GPATCH2: variants seen among roughly 807,000 people sequenced by gnomAD.
GPATCH2 encodes G patch domain-containing protein 2.
GPATCH2 carries 51 observed loss-of-function variants against 58.0 expected under a neutral mutation model. The ratio of observed to expected loss-of-function variants is 0.88; its 90% CI spans 0.70 to 1.11. The LOEUF is 1.11. Ranked by LOEUF, GPATCH2 falls within the 50% of genes most tolerant of loss-of-function variation. The pLI, the probability that GPATCH2 is intolerant of heterozygous loss-of-function variation, is 0.00. For missense variants in GPATCH2, 625 were observed against 652.2 expected (o/e 0.96, Z 0.45); for synonymous variants, 222 against 218.5 (o/e 1.02, Z -0.14).
At chr1:217,454,273 C>A (rs1053025079) in intron 8 of GPATCH2, among the ~76,000 whole-genome samples, 1 of 152,092 alleles carries the variant, frequency 6.6e-6, no homozygotes, top group Non-Finnish European at 1.5e-5. Context: ...TGTTTTATAA[C>A]GACTAGAATG....
chr1:217,495,088 AT>A, intron 7 of GPATCH2: 2 of 663,606 alleles, frequency 3.0e-6, no homozygotes, highest in Non-Finnish European at 1.9e-6. Context: ...GCAGATGTAT[AT>A]TAAAAAATAA....
intron 8 of GPATCH2, among the ~76,000 whole-genome samples, chr1:217,484,877 T>TA (rs1661389469): frequency 6.6e-6 from 1 of 151,984 alleles, no homozygotes; most frequent in Non-Finnish European, 1.5e-5. Context: ...TGCCTATAAA[T>TA]ACACCAAAGT....
intron 5 of GPATCH2, among the ~76,000 whole-genome samples, chr1:217,596,518 C>T (rs1667836880): frequency 1.3e-5 from 2 of 151,976 alleles, no homozygotes; most frequent in African/African-American, 2.4e-5. Context: ...ATTTGATATA[C>T]ATAAAAAGAT....
At chr1:217,594,611 GAC>G (rs1324572926) in intron 5 of GPATCH2, among the ~76,000 whole-genome samples, 7 of 152,016 alleles carry the variant, frequency 4.6e-5, no homozygotes, top group Non-Finnish European at 5.9e-5. Flanking sequence ...ATTCACTCAA[GAC>G]ACAGTGATGC....
intron 8 of GPATCH2, among the ~76,000 whole-genome samples, chr1:217,472,897 G>T (rs576915101): frequency 9.5e-4 from 145 of 152,286 alleles, no homozygotes; most frequent in African/African-American, 3.3e-3. Flanking sequence ...CTTTGGCATT[G>T]TCCTAGTCCC....
intron 8 of GPATCH2, among the ~76,000 whole-genome samples, chr1:217,460,006 A>G (rs1162506784): frequency 6.6e-6 from 1 of 152,156 alleles, no homozygotes; most frequent in East Asian, 1.9e-4. Flanking sequence ...GAGAATATAT[A>G]TATTTAATTT....
At chr1:217,597,052 G>T (rs1047659538) in intron 5 of GPATCH2, among the ~76,000 whole-genome samples, 2 of 152,100 alleles carry the variant, frequency 1.3e-5, no homozygotes, top group Non-Finnish European at 2.9e-5. Flanking sequence ...CAACAGGCCA[G>T]GTGTGGTGGC....
intron 5 of GPATCH2, among the ~76,000 whole-genome samples, chr1:217,560,337 T>C (rs1665861129): frequency 6.6e-6 from 1 of 152,208 alleles, no homozygotes; most frequent in South Asian, 2.1e-4. Context: ...GCAAATGGTT[T>C]TGGAAGTCAC....
intron 8 of GPATCH2, among the ~76,000 whole-genome samples, chr1:217,462,712 G>T (rs1280396574): frequency 6.6e-6 from 1 of 152,056 alleles, no homozygotes; most frequent in East Asian, 1.9e-4. Context: ...AACATGATGG[G>T]GAAATCTTTT....
intron 5 of GPATCH2, among the ~76,000 whole-genome samples, chr1:217,517,239 T>C (rs1190102186): frequency 6.6e-6 from 1 of 152,192 alleles, no homozygotes; most frequent in African/African-American, 2.4e-5. Flanking sequence ...GTGACTATCC[T>C]TTATTGTTAT....
chr1:217,586,146 T>C (rs1667330552), intron 5 of GPATCH2, among the ~76,000 whole-genome samples: 1 of 152,172 alleles, frequency 6.6e-6, no homozygotes, highest in Non-Finnish European at 1.5e-5. Flanking sequence ...TTTATAAATA[T>C]TGTACACTTA....
intron 8 of GPATCH2, among the ~76,000 whole-genome samples, chr1:217,466,139 A>C (rs1043770005): frequency 6.6e-6 from 1 of 152,234 alleles, no homozygotes; most frequent in African/African-American, 2.4e-5. Flanking sequence ...TTGAATGAGC[A>C]CTTCCAGAGG....
chr1:217,433,361 C>CACATATATATAT (rs1491151192), intron 9 of GPATCH2, among the ~76,000 whole-genome samples: 15 of 118,438 alleles, frequency 1.3e-4, no homozygotes, highest in African/African-American at 4.3e-4. Flanking sequence ...TTAAGCTGTT[C>CACATATATATAT]ATATATATAT....
At chr1:217,509,341 C>G (rs1032440159) in intron 6 of GPATCH2, among the ~76,000 whole-genome samples, 1 of 152,004 alleles carries the variant, frequency 6.6e-6, no homozygotes, top group Non-Finnish European at 1.5e-5. Flanking sequence ...GCTTTTTCAT[C>G]CTCTAAATAT....
intron 6 of GPATCH2, among the ~76,000 whole-genome samples, chr1:217,505,301 G>GC (rs1217435022): frequency 6.6e-6 from 1 of 152,142 alleles, no homozygotes; most frequent in Non-Finnish European, 1.5e-5. Flanking sequence ...CACCTATTGA[G>GC]CCCTCAGTAC....
chr1:217,523,855 A>AC (rs1175223227), intron 5 of GPATCH2, among the ~76,000 whole-genome samples: 4 of 122,404 alleles, frequency 3.3e-5, no homozygotes, highest in African/African-American at 9.7e-5. Flanking sequence ...CGGGGGGCTG[A>AC]CCCCCACACC....
intron 8 of GPATCH2, among the ~76,000 whole-genome samples, chr1:217,472,826 C>T (rs1036442585): frequency 2.0e-5 from 3 of 152,154 alleles, no homozygotes; most frequent in East Asian, 1.9e-4. Context: ...CGTTTTCTCA[C>T]CTGTAGTGCT....
chr1:217,434,596 C>G (rs1658722114), intron 9 of GPATCH2, among the ~76,000 whole-genome samples: 1 of 152,158 alleles, frequency 6.6e-6, no homozygotes, highest in Non-Finnish European at 1.5e-5. Flanking sequence ...GGCTATACAT[C>G]TGTTTACTCA....
chr1:217,477,055 T>G (rs1030301240), intron 8 of GPATCH2, among the ~76,000 whole-genome samples: 8 of 151,974 alleles, frequency 5.3e-5, no homozygotes, highest in Non-Finnish European at 1.0e-4. Flanking sequence ...CACAGCCAGA[T>G]AGGGGACCAG....
Sources: gnomAD v4.1 joint callset for allele counts (sites outside exome capture counted in the v4.1 genomes callset) on GRCh38, gnomAD v4.1.1 for gene constraint, MANE v1.5 for transcripts, NCBI Gene and HGNC (gene_info 2026-07-23, HGNC 2026-07-21) for gene names.